Variants in SLC35F5 observed in about 807,000 individuals in gnomAD.
SLC35F5 encodes the protein solute carrier family 35 member F5, also known as HCV NS5A-transactivated protein 3.
A neutral mutation model predicts 68.6 loss-of-function variants in SLC35F5; 54 were observed. The ratio of observed to expected loss-of-function variants is 0.79; its 90% CI spans 0.63 to 0.99. The LOEUF is 0.99. Among genes scored for constraint, SLC35F5 ranks in the 50% least tolerant of loss-of-function variants. The probability of loss-of-function intolerance (pLI) is 0.00; values close to 1 mark genes in which losing one functional copy is unlikely to be tolerated. For synonymous variants in SLC35F5, 211 were observed against 205.2 expected (o/e 1.03, Z -0.24); for missense variants, 567 against 626.9 (o/e 0.90, Z 1.02).
At chr2:113,736,222 T>A (rs1404345516) in intron 7 of SLC35F5, among the ~76,000 whole-genome samples, 1 of 151,522 alleles carries the variant, frequency 6.6e-6, no homozygotes, top group Non-Finnish European at 1.5e-5. Flanking sequence ...GGTGGGTGGA[T>A]TGCTTGAGCC....
chr2:113,731,233 C>G (rs921323603), intron 10 of SLC35F5, among the ~76,000 whole-genome samples: 2 of 151,904 alleles, frequency 1.3e-5, no homozygotes, highest in Non-Finnish European at 2.9e-5. Flanking sequence ...ACTAAGGAAA[C>G]ACGACAATTA....
At chr2:113,755,018 GCAATAATT>G in intron 3 of SLC35F5, 139 bp downstream of exon 3, 1 of 670,118 alleles carries the variant, frequency 1.5e-6, no homozygotes, top group Non-Finnish European at 2.4e-6. Flanking sequence ...ACTTCAAGTG[GCAATAATT>G]CAACGTTTTT....
chr2:113,728,077 G>A (rs983614487), intron 11 of SLC35F5, among the ~76,000 whole-genome samples: 2 of 152,100 alleles, frequency 1.3e-5, no homozygotes, highest in South Asian at 4.1e-4. Flanking sequence ...CTGCAGACTC[G>A]AACTCCTGGA....
intron 13 of SLC35F5, chr2:113,721,393 A>G (rs1687428761): frequency 6.5e-6 from 1 of 154,028 alleles, no homozygotes. Context: ...TTATGTTTTT[A>G]TAATTAATTG....
chr2:113,747,081 G>A (rs1676522284), intron 4 of SLC35F5, among the ~76,000 whole-genome samples: 1 of 152,104 alleles, frequency 6.6e-6, no homozygotes, highest in African/African-American at 2.4e-5. Flanking sequence ...GAGGTCAGGA[G>A]TTTGAGACCA....
intron 14 of SLC35F5, among the ~76,000 whole-genome samples, 160 bp from the exon 15 acceptor site, chr2:113,718,010 GTTTT>G (rs1243931658): frequency 6.6e-6 from 1 of 152,090 alleles, no homozygotes; most frequent in Admixed American, 6.5e-5. Flanking sequence ...CCAAGTTAGC[GTTTT>G]TTGTTTTTGT....
At chr2:113,741,228 T>C (rs1292198877) in intron 7 of SLC35F5, among the ~76,000 whole-genome samples, 2 of 151,676 alleles carry the variant, frequency 1.3e-5, no homozygotes, top group Non-Finnish European at 2.9e-5. Flanking sequence ...TACTTATGAG[T>C]AGTCAAATCC....
intron 7 of SLC35F5, among the ~76,000 whole-genome samples, chr2:113,740,257 G>C (rs1351910894): frequency 6.6e-6 from 1 of 152,200 alleles, no homozygotes; most frequent in Non-Finnish European, 1.5e-5. Flanking sequence ...TCAGTTTAAA[G>C]GAAGAAAGCT....
rs1359868761 is a variant in SLC35F5 at position 113,713,258 on chromosome 2, A to G, written c.*1960T>C. The G allele has an allele frequency of 6.6e-6, 1 of 152,224 alleles. No individual in the cohort carries two copies. Among genetic ancestry groups the G allele is most frequent in the East Asian group, 1.9e-4 (1 of 5,204 alleles). 9.4% of individuals were successfully genotyped at this position (152,224 alleles called of 1,614,324 possible). A position where few individuals can be genotyped will look rare whatever the true frequency, so the allele number is the denominator to read the frequency against. ...GAAACAGAAAAGCAGCAGTATAATG[A>G]AAGAAGATTGGCTGAAGATCTATCC... On this transcript the variant is annotated 3_prime_UTR_variant, in exon 16 of 16. Coordinates refer to ENST00000245680, the MANE Select transcript of SLC35F5 (RefSeq NM_025181.5).
In SLC35F5 at chr2:113,755,164, C is replaced by T. The variant is rs749983392; in HGVS notation, c.273+1G>A. On this transcript the variant is annotated splice_donor_variant, in intron 3 of 15. Transcript: ENST00000245680. LOFTEE classifies it high-confidence loss of function. ...ATCATTCCTGGACCAAAGGTACATA[C>T]CGAAGTAAGTTCAGAGGAAGCAACC... 1 of 1,613,734 alleles carries T rather than the reference C, an allele frequency of 6.2e-7. No homozygotes were observed. The highest frequency in any genetic ancestry group is 1.1e-5 in the South Asian group (1 of 91,056).
At chr2:113,753,162 GTTTTTCTTTTTT>G (rs1676817391) in intron 3 of SLC35F5, among the ~76,000 whole-genome samples, 1 of 50,550 alleles carries the variant, frequency 2.0e-5, no homozygotes, top group African/African-American at 6.6e-5. Flanking sequence ...TCCAAAGTTT[GTTTTTCTTTTTT>G]TTTTTTTTTT....
chr2:113,715,374 T>C (rs1687140214), intron 15 of SLC35F5, among the ~76,000 whole-genome samples, 179 bp from the exon 16 acceptor site: 1 of 152,190 alleles, frequency 6.6e-6, no homozygotes, highest in Admixed American at 6.5e-5. Flanking sequence ...GTGACTTCTA[T>C]AGCAATGTCA....
In SLC35F5 at chr2:113,708,705, C is replaced by CAA. The variant is rs200759699; in HGVS notation, c.*6511_*6512dup. On this transcript the variant is annotated 3_prime_UTR_variant, in exon 16 of 16. Transcript: ENST00000245680. Reference sequence around the variant, plus strand: ...TGGGCAATGGAGTGAGACTCTGTCTCAAAAAAAATAAAAAATAAAAAATAA... The same window carrying CAA: ...TGGGCAATGGAGTGAGACTCTGTCTCAAAAAAAAAATAAAAAATAAAAAATAA... Among the ~76,000 whole-genome samples the CAA allele has an allele frequency of 6.7e-6, 1 of 150,188 alleles. No homozygotes were observed. The highest frequency in any genetic ancestry group is 2.5e-5 in the African/African-American group (1 of 40,678).
Position 113,756,501 on chromosome 2 carries a change from T to C in SLC35F5, c.-92A>G. ...CACCGCGCCTGACATCGCGCCGCAC[T>C]GGAGGCCCAGCTCCTGAAGACGCGG... On this transcript the variant is annotated 5_prime_UTR_variant, in exon 1 of 16. Transcript: ENST00000245680. 6.6e-7 allele frequency: 1 copy of C among 1,516,364 alleles called. No individual in the cohort carries two copies. The highest frequency in any genetic ancestry group is 8.8e-7 in the Non-Finnish European group (1 of 1,136,194). 93.9% of individuals were successfully genotyped at this position (1,516,364 alleles called of 1,614,324 possible).
At chr2:113,718,818 GAAGA>G (rs978252620) in intron 14 of SLC35F5, among the ~76,000 whole-genome samples, 1 of 136,626 alleles carries the variant, frequency 7.3e-6, no homozygotes, top group South Asian at 2.3e-4. Context: ...AGAAGAAAGA[GAAGA>G]AAGAAAGAGG....
intron 13 of SLC35F5, among the ~76,000 whole-genome samples, chr2:113,720,149 A>C (rs1191306886): frequency 6.6e-6 from 1 of 151,936 alleles, no homozygotes; most frequent in Non-Finnish European, 1.5e-5. Context: ...TCACTAGTTC[A>C]CTTTTACCAT....
downstream of SLC35F5, among the ~76,000 whole-genome samples, chr2:113,706,164 C>T (rs190238336): frequency 2.2e-4 from 33 of 152,308 alleles, no homozygotes; most frequent in Middle Eastern, 0.01. Context: ...CTGAGGTCTG[C>T]GGCTCTGCTC....
downstream of SLC35F5, among the ~76,000 whole-genome samples, chr2:113,704,396 G>C (rs985986617): frequency 8.2e-3 from 1,254 of 152,330 alleles, 14 homozygotes; most frequent in African/African-American, 0.029. Flanking sequence ...AGGTGGAGCT[G>C]CCCGCCAGTC....
chr2:113,723,142 T>C lies in SLC35F5; in HGVS notation c.1303A>G (p.Ile435Val). ...ATGTCAGCTATTATGGACAGAGGTA[T>C]TGTAAGGCTTAGTGCAAGTGTGCCT... is the stretch of plus-strand genomic sequence containing the variant. ...LIGTLALSLT[I>V]PLSIIADMCM... is the part of the protein sequence containing the mutation. Residue 435 changes from isoleucine (I) to valine (V), a missense_variant, in exon 13 of 16, where the codon ATA (isoleucine) becomes GTA (valine). By Grantham distance (29) the Ile-to-Val change is conservative. Coordinates refer to ENST00000245680, the MANE Select transcript of SLC35F5 (RefSeq NM_025181.5). 6.3e-7 allele frequency: 1 copy of C among 1,594,684 alleles called. No homozygotes were observed. The highest frequency in any genetic ancestry group is 8.5e-7 in the Non-Finnish European group (1 of 1,170,788).
Sources: allele counts gnomAD v4.1 joint callset (sites outside exome capture counted in the v4.1 genomes callset), GRCh38; gene constraint gnomAD v4.1.1; transcripts MANE v1.5; gene names NCBI Gene and HGNC (gene_info 2026-07-23, HGNC 2026-07-21).